POLR1C: variants seen among roughly 807,000 people sequenced by gnomAD.
POLR1C encodes the protein DNA-directed RNA polymerases I and III subunit RPAC1.
Under a neutral mutation model 38.3 loss-of-function variants are expected in POLR1C, and 42 were observed. The ratio of observed to expected loss-of-function variants is 1.10; its 90% CI spans 0.86 to 1.42. The LOEUF (loss-of-function observed/expected upper bound fraction) is 1.42, where lower values mean the gene tolerates loss of function less well. POLR1C is among the 40% of genes most tolerant of loss of function. The probability of loss-of-function intolerance (pLI) is 0.00; values close to 1 mark genes in which losing one functional copy is unlikely to be tolerated. For synonymous variants in POLR1C, 163 were observed against 163.9 expected (o/e 0.99, Z 0.04); for missense variants, 507 against 450.5 (o/e 1.13, Z -1.14).
At chr6:43,558,673 T>G in intron 10 of POLR1C, 1 of 1,017,924 alleles carries the variant, frequency 9.8e-7, no homozygotes, top group Non-Finnish European at 1.4e-6. Flanking sequence ...TTCAAGCACT[T>G]TTAATTTATT....
downstream of POLR1C, chr6:43,533,726 T>C (rs555200599): frequency 5.6e-5 from 21 of 375,752 alleles, no homozygotes; most frequent in South Asian, 5.2e-4. Flanking sequence ...GTCCAACTAC[T>C]CGGGAGGCTG....
intron 10 of POLR1C, chr6:43,560,232 C>A (rs773279445): frequency 6.2e-7 from 1 of 1,612,134 alleles, no homozygotes. Context: ...TTGCTAATAG[C>A]AAAGGATCAC....
At chr6:43,561,065 A>T (rs533110755) in intron 10 of POLR1C, 2 of 1,362,574 alleles carry the variant, frequency 1.5e-6, no homozygotes, top group African/African-American at 2.9e-5. Context: ...GAGAGGAAAA[A>T]GCAGGGAAGT....
intron 10 of POLR1C, chr6:43,553,579 A>C: frequency 6.7e-7 from 1 of 1,502,010 alleles, no homozygotes; most frequent in Non-Finnish European, 8.9e-7. Flanking sequence ...CGCAGAAGAC[A>C]CAGAGAGACA....
chr6:43,562,138 C>T, exon 11 of POLR1C: 1 of 741,228 alleles, frequency 1.3e-6, no homozygotes. Context: ...ATGGCACTGC[C>T]CCATCAGGCT....
intron 9 of POLR1C, chr6:43,546,659 C>T: frequency 6.2e-7 from 1 of 1,613,732 alleles, no homozygotes; most frequent in Non-Finnish European, 8.5e-7. Flanking sequence ...GATGTATAAC[C>T]CACCACAAAT....
intron 9 of POLR1C, among the ~76,000 whole-genome samples, chr6:43,542,905 C>T (rs1040364594): frequency 7.2e-5 from 11 of 152,096 alleles, no homozygotes; most frequent in East Asian, 1.9e-4. Flanking sequence ...GTTCACAAAA[C>T]GTATTTGACA....
chr6:43,551,289 G>C, intron 10 of POLR1C: 1 of 1,594,712 alleles, frequency 6.3e-7, no homozygotes, highest in South Asian at 1.2e-5. Flanking sequence ...AAGGAGATGG[G>C]CTTTATACCT....
chr6:43,524,772 T>G, downstream of POLR1C: 1 of 1,605,210 alleles, frequency 6.2e-7, no homozygotes, highest in Non-Finnish European at 8.5e-7. Flanking sequence ...CCCAAGAGAC[T>G]AGGAGCAGAC....
At chr6:43,533,688 G>C, downstream of POLR1C, 1 of 302,210 alleles carries the variant, frequency 3.3e-6, no homozygotes, top group South Asian at 3.4e-5. Flanking sequence ...AAATTTTAAA[G>C]TTCGTCTGGC....
intron 10 of POLR1C, among the ~76,000 whole-genome samples, chr6:43,557,786 A>T (rs1328462635): frequency 4.2e-5 from 4 of 94,436 alleles, no homozygotes; most frequent in South Asian, 2.8e-4. Context: ...AAAGCTGTAA[A>T]AAAAAAAAAA....
intron 9 of POLR1C, chr6:43,538,832 GC>G: frequency 8.6e-7 from 1 of 1,164,804 alleles, no homozygotes; most frequent in Non-Finnish European, 1.2e-6. Flanking sequence ...CTATGTTGTA[GC>G]CACAGCTGGA....
chr6:43,534,279 A>G (rs923554048), downstream of POLR1C, among the ~76,000 whole-genome samples: 1 of 152,250 alleles, frequency 6.6e-6, no homozygotes, highest in Non-Finnish European at 1.5e-5. Flanking sequence ...CAAAGCTAGA[A>G]AGCAAAATTC....
chr6:43,560,595 A>C (rs1762367705), intron 10 of POLR1C, among the ~76,000 whole-genome samples: 1 of 152,266 alleles, frequency 6.6e-6, no homozygotes, highest in Non-Finnish European at 1.5e-5. Flanking sequence ...AATTTTGAAC[A>C]GAGTGAAATT....
chr6:43,548,576 T>TA, intron 9 of POLR1C: 3 of 921,780 alleles, frequency 3.3e-6, no homozygotes, highest in Non-Finnish European at 3.0e-6. Context: ...GTCAGGCCTA[T>TA]AAGGTTATTA....
chr6:43,521,486 T>C lies in POLR1C; in HGVS notation c.*186T>C, dbSNP rs1793186559. ...TTTTACGCCTTTATAAGGCCTTAGA[T>C]GTAAATAAACTCACCCAAACAAAAA... On this transcript the variant is annotated 3_prime_UTR_variant, in exon 9 of 9. Coordinates refer to ENST00000642195, the MANE Select transcript of POLR1C (RefSeq NM_203290.4). 7.2e-7 allele frequency: 1 copy of C among 1,392,586 alleles called. No homozygotes were observed. 86.3% of individuals were successfully genotyped at this position (1,392,586 alleles called of 1,614,324 possible). A position where few individuals can be genotyped will look rare whatever the true frequency, so the allele number is the denominator to read the frequency against.
chr6:43,532,422 G>T (rs1456268119), downstream of POLR1C, among the ~76,000 whole-genome samples: 2 of 152,204 alleles, frequency 1.3e-5, no homozygotes, highest in Non-Finnish European at 1.5e-5. Flanking sequence ...AACTATGGGG[G>T]CTGTGATGGT....
At chr6:43,525,592 A>T, downstream of POLR1C, 1 of 537,846 alleles carries the variant, frequency 1.9e-6, no homozygotes, top group Non-Finnish European at 3.3e-6. Context: ...TGGGGAGGCT[A>T]AACACCAGGG....
intron 9 of POLR1C, among the ~76,000 whole-genome samples, chr6:43,536,524 C>T (rs895758321): frequency 3.3e-5 from 5 of 151,120 alleles, no homozygotes; most frequent in Non-Finnish European, 7.4e-5. Context: ...TTTAGGAAGC[C>T]GAGGTGGGTG....
Sources: gnomAD v4.1 joint callset for allele counts (sites outside exome capture counted in the v4.1 genomes callset) on GRCh38, gnomAD v4.1.1 for gene constraint, MANE v1.5 for transcripts, NCBI Gene and HGNC (gene_info 2026-07-23, HGNC 2026-07-21) for gene names.